SPOCK1: variants seen among roughly 807,000 people sequenced by gnomAD.
SPOCK1 encodes testican-1.
In SPOCK1, 23 loss-of-function variants were observed where a neutral mutation model predicts 55.3. That is an observed-to-expected ratio of 0.42 (90% confidence interval 0.30 to 0.59). SPOCK1 has a LOEUF of 0.59. Ranked by LOEUF, SPOCK1 falls within the 20% of genes least tolerant of loss-of-function variation. The pLI is 0.22. For synonymous variants in SPOCK1, 226 were observed against 221.0 expected (o/e 1.02, Z -0.20); for missense variants, 499 against 552.5 (o/e 0.90, Z 0.97).
At chr5:137,015,169 C>T (rs1022694316) in intron 6 of SPOCK1, among the ~76,000 whole-genome samples, 6 of 151,970 alleles carry the variant, frequency 3.9e-5, no homozygotes, top group Non-Finnish European at 8.8e-5. Context: ...AGGCCAGGCA[C>T]GGTGGCCCAT....
rs188367385 is a variant in SPOCK1 at position 137,187,733 on chromosome 5, A to G, written c.233-47039T>C. 2.9e-3 allele frequency among the ~76,000 whole-genome samples: 445 copies of G among 152,226 alleles called. 2 individuals are homozygous for G. Among genetic ancestry groups the G allele is most frequent in the African/African-American group, 6.1e-3 (252 of 41,540 alleles). ...ACAAGACAGGAACCATTAAAATTCA[A>G]TATGTTAATAGGAGAAATCTGTGTA... On this transcript the variant is annotated intron_variant, in intron 3 of 10. Coordinates refer to ENST00000394945, the MANE Select transcript of SPOCK1 (RefSeq NM_004598.4).
chr5:137,116,553 G>A (rs1391342360), intron 4 of SPOCK1, among the ~76,000 whole-genome samples: 1 of 152,044 alleles, frequency 6.6e-6, no homozygotes, highest in Non-Finnish European at 1.5e-5. Flanking sequence ...GGCTGAGGCA[G>A]GAGAATCACT....
chr5:137,060,777 T>G (rs1752381803), intron 6 of SPOCK1, among the ~76,000 whole-genome samples: 1 of 152,178 alleles, frequency 6.6e-6, no homozygotes, highest in Non-Finnish European at 1.5e-5. Context: ...TCCTTCTTTC[T>G]CTGTTCACCT....
chr5:137,297,872 T>C (rs893213589), intron 2 of SPOCK1, among the ~76,000 whole-genome samples: 8 of 151,918 alleles, frequency 5.3e-5, no homozygotes, highest in African/African-American at 1.9e-4. Context: ...ACAAATCGGG[T>C]AGGAATGGAC....
intron 3 of SPOCK1, among the ~76,000 whole-genome samples, chr5:137,178,515 C>T (rs1754903194): frequency 6.6e-6 from 1 of 152,238 alleles, no homozygotes; most frequent in African/African-American, 2.4e-5. Flanking sequence ...GACCGAGGCT[C>T]AGAGAGGCCA....
intron 2 of SPOCK1, among the ~76,000 whole-genome samples, chr5:137,308,726 T>C (rs1210816679): frequency 1.3e-5 from 2 of 152,208 alleles, no homozygotes; most frequent in South Asian, 2.1e-4. Flanking sequence ...ACACCTATTA[T>C]GGGTCTGTTT....
At chr5:137,284,324 CA>C (rs1040899831) in intron 2 of SPOCK1, among the ~76,000 whole-genome samples, 3 of 152,196 alleles carry the variant, frequency 2.0e-5, no homozygotes, top group African/African-American at 7.2e-5. Flanking sequence ...ATACAACCAG[CA>C]GGGACTCAGA....
chr5:137,058,717 A>G (rs1332804613), intron 6 of SPOCK1, among the ~76,000 whole-genome samples: 1 of 152,216 alleles, frequency 6.6e-6, no homozygotes, highest in African/African-American at 2.4e-5. Flanking sequence ...AGGTTTCCTG[A>G]GAAGGTGACA....
intron 2 of SPOCK1, among the ~76,000 whole-genome samples, chr5:137,402,009 C>A (rs756491310): frequency 6.6e-6 from 1 of 152,118 alleles, no homozygotes; most frequent in African/African-American, 2.4e-5. Flanking sequence ...AGGAAAGGGG[C>A]ACTTTGAAAT....
chr5:137,021,667 C>T (rs1751576037), intron 6 of SPOCK1, among the ~76,000 whole-genome samples: 1 of 152,160 alleles, frequency 6.6e-6, no homozygotes, highest in African/African-American at 2.4e-5. Flanking sequence ...CATGAGAGAA[C>T]ATCTTTCTGC....
intron 2 of SPOCK1, among the ~76,000 whole-genome samples, chr5:137,326,689 C>T (rs141779201): frequency 2.6e-3 from 391 of 152,252 alleles, no homozygotes; most frequent in African/African-American, 8.9e-3. Context: ...TTAGAATGTG[C>T]CAAGATCTTG....
intron 2 of SPOCK1, among the ~76,000 whole-genome samples, chr5:137,305,733 T>C (rs1217161915): frequency 1.3e-5 from 2 of 152,196 alleles, no homozygotes. Flanking sequence ...CTCCAGTTCC[T>C]CCGTGCAAAC....
chr5:136,995,427 G>T (rs1382553937), intron 6 of SPOCK1, among the ~76,000 whole-genome samples: 1 of 152,150 alleles, frequency 6.6e-6, no homozygotes, highest in Non-Finnish European at 1.5e-5. Flanking sequence ...CACACTTATT[G>T]GATCCAACTC....
At chr5:137,143,165 C>G (rs1754131190) in intron 3 of SPOCK1, among the ~76,000 whole-genome samples, 1 of 152,170 alleles carries the variant, frequency 6.6e-6, no homozygotes, top group Admixed American at 6.5e-5. Flanking sequence ...GCATTTTCCC[C>G]AACAGATGCC....
At chr5:137,320,613 A>C (rs1368061677) in intron 2 of SPOCK1, among the ~76,000 whole-genome samples, 1 of 152,236 alleles carries the variant, frequency 6.6e-6, no homozygotes, top group Non-Finnish European at 1.5e-5. Context: ...GAAATACCTC[A>C]TACAGACACC....
chr5:137,100,030 C>T (rs1040189423), intron 5 of SPOCK1, among the ~76,000 whole-genome samples: 7 of 152,220 alleles, frequency 4.6e-5, no homozygotes, highest in Admixed American at 1.3e-4. Flanking sequence ...ACTAGGAGTT[C>T]GGTATCAGAG....
intron 6 of SPOCK1, among the ~76,000 whole-genome samples, chr5:137,034,184 T>TA (rs1751835372): frequency 6.6e-6 from 1 of 152,202 alleles, no homozygotes; most frequent in South Asian, 2.1e-4. Context: ...TACCATGCAG[T>TA]AAGTCCCTGC....
rs534131028 is a variant in SPOCK1 at position 137,217,159 on chromosome 5, C to T, written c.232+49851G>A. ...ACTCAGTTGACTGAAGAATTTCATT[C>T]ATGTACTGGAGTCTCTTTTCAAACA... On this transcript the variant is annotated intron_variant, in intron 3 of 10. Transcript: ENST00000394945. Among the ~76,000 whole-genome samples the T allele has an allele frequency of 7.9e-5, 12 of 152,312 alleles. No individual in the cohort carries two copies. The South Asian group carries it at 2.5e-3, about 32-fold the overall frequency.
At chr5:137,493,648 A>T (rs935446407) in intron 2 of SPOCK1, among the ~76,000 whole-genome samples, 1 of 152,188 alleles carries the variant, frequency 6.6e-6, no homozygotes, top group African/African-American at 2.4e-5. Flanking sequence ...AGTACAGGGG[A>T]TTTAAGATAG....
Sources: allele counts gnomAD v4.1 joint callset (sites outside exome capture counted in the v4.1 genomes callset), GRCh38; gene constraint gnomAD v4.1.1; transcripts MANE v1.5; gene names NCBI Gene and HGNC (gene_info 2026-07-23, HGNC 2026-07-21).